SEPTIN9: variants seen among roughly 807,000 people sequenced by gnomAD.
The protein encoded by SEPTIN9 is septin-9.
Under a neutral mutation model 56.6 loss-of-function variants are expected in SEPTIN9, and 13 were observed. The ratio of observed to expected loss-of-function variants is 0.23; its 90% CI spans 0.15 to 0.37. SEPTIN9 has a LOEUF of 0.37. Among genes scored for constraint, SEPTIN9 ranks in the 10% least tolerant of loss-of-function variants. The probability of loss-of-function intolerance (pLI) is 1.00; values close to 1 mark genes in which losing one functional copy is unlikely to be tolerated. For synonymous variants in SEPTIN9, 332 were observed against 334.1 expected, an observed-to-expected ratio of 0.99 and a Z score of 0.07; for missense variants, 650 against 823.1, an observed-to-expected ratio of 0.79 and a Z score of 2.57.
chr17:77,381,228 TTTC>T, intron 2 of SEPTIN9, among the ~76,000 whole-genome samples: 1 of 152,190 alleles, frequency 6.6e-6, no homozygotes, highest in African/African-American at 2.4e-5. Context: ...CTCATCTTTC[TTTC>T]TGGTGGGAAG....
Position 77,313,828 on chromosome 17 carries a change from T to G in SEPTIN9, c.76+6631T>G, listed in dbSNP as rs2032599023. Among the ~76,000 whole-genome samples, 1 of 151,728 alleles carries G rather than the reference T, an allele frequency of 6.6e-6. No homozygotes were observed. ...TCACTGCAGCCTCAACCTGCCAGGC[T>G]CAAGGGATCCTCCTGCCTTAGCCTC... On this transcript the variant is annotated intron_variant, in intron 2 of 11. Transcript: ENST00000427177. This position sits in a 1 kb window ranked among gnomAD's most constrained non-coding sequence, Gnocchi z 4.5.
chr17:77,382,572 G>A (rs1158798997), intron 2 of SEPTIN9, among the ~76,000 whole-genome samples: 1 of 152,252 alleles, frequency 6.6e-6, no homozygotes, highest in Non-Finnish European at 1.5e-5. Context: ...AGGGCTGGGA[G>A]GGACCAGGGT....
chr17:77,399,699 A>G (rs960812809), intron 2 of SEPTIN9, among the ~76,000 whole-genome samples: 1 of 152,136 alleles, frequency 6.6e-6, no homozygotes, highest in African/African-American at 2.4e-5. Flanking sequence ...AGTTCTGGGC[A>G]TTGAACCCTG....
intron 2 of SEPTIN9, among the ~76,000 whole-genome samples, chr17:77,378,321 C>T (rs2035007124): frequency 2.0e-5 from 3 of 152,062 alleles, no homozygotes. Flanking sequence ...CGCCCTCACT[C>T]TGCCATTGGA....
At chr17:77,411,131 T>C (rs563845519) in intron 3 of SEPTIN9, among the ~76,000 whole-genome samples, 4 of 150,118 alleles carry the variant, frequency 2.7e-5, no homozygotes, top group Admixed American at 6.6e-5. Flanking sequence ...AGATAGAAAA[T>C]GAAGATCACA....
In SEPTIN9 at chr17:77,319,920, G is replaced by T. The variant is rs1375182514; in HGVS notation, c.76+12723G>T. 1.8e-6 allele frequency: 2 copies of T among 1,111,804 alleles called. No homozygotes were observed. The highest frequency in any genetic ancestry group is 2.2e-6 in the Non-Finnish European group (2 of 908,564). The allele number at this position is 1,111,804 out of a possible 1,614,324, so 68.9% of individuals were successfully genotyped here. Reference sequence around the variant, plus strand: ...TGGAGAGAGGAGGCTGCCGGAAGCCGCACTCGGGACCTCTGCAGCCACCGA... The same window carrying T: ...TGGAGAGAGGAGGCTGCCGGAAGCCTCACTCGGGACCTCTGCAGCCACCGA... On this transcript the variant is annotated intron_variant, in intron 2 of 11. Transcript: ENST00000427177. The surrounding 1 kb of genome is among the most constrained non-coding windows in gnomAD (Gnocchi z 5.3).
At chr17:77,353,101 TG>T (rs1157923038) in intron 2 of SEPTIN9, among the ~76,000 whole-genome samples, 1 of 152,178 alleles carries the variant, frequency 6.6e-6, no homozygotes, top group Non-Finnish European at 1.5e-5. Context: ...ATATGTCTTT[TG>T]GGGGAACACA....
At chr17:77,491,805 CAAAAAAAAAAAA>C (rs35233871) in intron 8 of SEPTIN9, among the ~76,000 whole-genome samples, 1 of 59,586 alleles carries the variant, frequency 1.7e-5, no homozygotes. Context: ...GACTCCATCT[CAAAAAAAAAAAA>C]AAAAAAAAAA....
rs938272989 is a variant in SEPTIN9, at chr17:77,389,620, T to C, written c.77-12439T>C. Among the ~76,000 whole-genome samples the C allele has an allele frequency of 6.6e-6, 1 of 151,984 alleles. No homozygotes were observed. Among genetic ancestry groups the C allele is most frequent in the Non-Finnish European group, 1.5e-5 (1 of 67,990 alleles). On this transcript the variant is annotated intron_variant, in intron 2 of 11. Transcript: ENST00000427177. The surrounding 1 kb of genome is among the most constrained non-coding windows in gnomAD (Gnocchi z 4.3). ...CTGAAAGGTCATCTGGTCCCTCTCC[T>C]ACCCCCAGGCAGGCCACACCTAGAC...
At chr17:77,320,134 A>G (rs1009898246) in intron 2 of SEPTIN9, 1 of 1,491,808 alleles carries the variant, frequency 6.7e-7, no homozygotes, top group East Asian at 2.5e-5. Flanking sequence ...TGATCAGCAC[A>G]TGGAAATGTG....
At chr17:77,483,274 T>G (rs1238280234) in intron 4 of SEPTIN9, 1 of 153,600 alleles carries the variant, frequency 6.5e-6, no homozygotes, top group Non-Finnish European at 1.4e-5. Context: ...TTCTTTCCTC[T>G]TCTGCACTGA....
chr17:77,364,882 A>G (rs1379621182), intron 2 of SEPTIN9, among the ~76,000 whole-genome samples: 1 of 152,238 alleles, frequency 6.6e-6, no homozygotes, highest in Non-Finnish European at 1.5e-5. Context: ...TCAGCTGTGC[A>G]GGCCCAGGCC....
chr17:77,337,341 T>C (rs2033588367), intron 2 of SEPTIN9, among the ~76,000 whole-genome samples: 1 of 152,188 alleles, frequency 6.6e-6, no homozygotes, highest in Admixed American at 6.5e-5. Context: ...CTTGCATTTC[T>C]GGAAGAAGTC....
chr17:77,368,893 G>A (rs2034643428), intron 2 of SEPTIN9, among the ~76,000 whole-genome samples: 1 of 152,062 alleles, frequency 6.6e-6, no homozygotes, highest in Non-Finnish European at 1.5e-5. Context: ...CACTATATTC[G>A]TGGTGACTAA....
At position 77,450,514 on chromosome 17, in the gene SEPTIN9, C is replaced by G; in HGVS notation, c.722-31630C>G. 1 of 985,498 alleles carries G rather than the reference C, an allele frequency of 1.0e-6. No homozygotes were observed. Among genetic ancestry groups the G allele is most frequent in the Non-Finnish European group, 1.2e-6 (1 of 830,002 alleles). The allele number at this position is 985,498 out of a possible 1,614,324, so 61.0% of individuals were successfully genotyped here. On this transcript the variant is annotated intron_variant, in intron 3 of 11. Coordinates refer to ENST00000427177, the MANE Select transcript of SEPTIN9 (RefSeq NM_001113491.2). This position sits in a 1 kb window ranked among gnomAD's most constrained non-coding sequence, Gnocchi z 6.0. ...CTCCTAGTGTGGGAGTGGCCACGCCCCTGCTGGGAGTGACTCACTTGGGTT... is the reference window on the plus strand; with the variant it reads ...CTCCTAGTGTGGGAGTGGCCACGCCGCTGCTGGGAGTGACTCACTTGGGTT...
At chr17:77,455,008 T>G (rs1598401261) in intron 3 of SEPTIN9, among the ~76,000 whole-genome samples, 1 of 150,116 alleles carries the variant, frequency 6.7e-6, no homozygotes, top group South Asian at 2.1e-4. Context: ...CCATCTGTCC[T>G]CCCCCTGGCC....
chr17:77,320,068 C>T, intron 2 of SEPTIN9: 1 of 1,417,874 alleles, frequency 7.1e-7, no homozygotes, highest in South Asian at 1.5e-5. Flanking sequence ...TCCTTTGCTC[C>T]CTTTTTCCTC....
chr17:77,496,304 G>C (rs999214710), intron 10 of SEPTIN9: 3 of 152,210 alleles, frequency 2.0e-5, no homozygotes, highest in Non-Finnish European at 4.4e-5. Flanking sequence ...TGGGATTGCA[G>C]ACGTGAGCCG....
intron 3 of SEPTIN9, among the ~76,000 whole-genome samples, chr17:77,464,236 G>A (rs915620012): frequency 2.6e-5 from 4 of 151,952 alleles, no homozygotes; most frequent in African/African-American, 9.7e-5. Flanking sequence ...GCCACCACAC[G>A]TGGCTAATTT....
Sources: gnomAD v4.1 joint callset for allele counts (sites outside exome capture counted in the v4.1 genomes callset) on GRCh38, gnomAD v4.1.1 for gene constraint, Gnocchi (gnomAD v3.1) non-coding constraint, MANE v1.5 for transcripts, NCBI Gene and HGNC (gene_info 2026-07-23, HGNC 2026-07-21) for gene names.